The following RARB variants were observed in gnomAD, a reference collection of about 807,000 sequenced individuals.
RARB encodes the protein HBV-activated protein.
Under a neutral mutation model 51.9 loss-of-function variants are expected in RARB, and 17 were observed. That is an observed-to-expected ratio of 0.33 (90% confidence interval 0.22 to 0.49). The LOEUF is 0.49. Among genes scored for constraint, RARB ranks in the 20% least tolerant of loss-of-function variants. RARB has a pLI of 0.99. For missense variants in RARB, 369 were observed against 550.8 expected, an observed-to-expected ratio of 0.67 and a Z score of 3.30; for synonymous variants, 215 against 195.4, an observed-to-expected ratio of 1.10 and a Z score of -0.84.
At chr3:25,553,081 C>T (rs1699913128) in intron 3 of RARB, among the ~76,000 whole-genome samples, 1 of 151,458 alleles carries the variant, frequency 6.6e-6, no homozygotes, top group Non-Finnish European at 1.5e-5. Flanking sequence ...CTATGAAATG[C>T]ATGAGGAGTT....
intron 2 of RARB, among the ~76,000 whole-genome samples, chr3:24,922,872 C>T (rs991297514): frequency 6.6e-6 from 1 of 152,116 alleles, no homozygotes; most frequent in Non-Finnish European, 1.5e-5. Context: ...CCCTTAGAGT[C>T]TTCATGGTCA....
At chr3:25,595,135 C>T (rs1701767250) in intron 7 of RARB, among the ~76,000 whole-genome samples, 1 of 152,136 alleles carries the variant, frequency 6.6e-6, no homozygotes, top group Non-Finnish European at 1.5e-5. Flanking sequence ...CAAAGGAATT[C>T]TTGCCTAAGA....
At chr3:25,454,733 T>G (rs1156945447) in intron 1 of RARB, among the ~76,000 whole-genome samples, 2 of 152,198 alleles carry the variant, frequency 1.3e-5, no homozygotes, top group Non-Finnish European at 2.9e-5. Flanking sequence ...TATCTGCTAC[T>G]TAATCTAACC....
At chr3:25,086,966 C>A (rs1156702291) in intron 3 of RARB, among the ~76,000 whole-genome samples, 2 of 152,112 alleles carry the variant, frequency 1.3e-5, no homozygotes, top group African/African-American at 4.8e-5. Context: ...GGAAAAAGAT[C>A]TGGAAAGGGA....
chr3:25,391,084 A>G (rs1053154334), intron 5 of RARB, among the ~76,000 whole-genome samples: 2 of 152,086 alleles, frequency 1.3e-5, no homozygotes, highest in Non-Finnish European at 2.9e-5. Context: ...AGTTTATTGT[A>G]TCATTCTTAT....
intron 1 of RARB, among the ~76,000 whole-genome samples, chr3:25,454,712 C>CT (rs1237286487): frequency 6.6e-6 from 1 of 152,012 alleles, no homozygotes; most frequent in Non-Finnish European, 1.5e-5. Context: ...ACTGAGCTCT[C>CT]TTAAAAATGT....
intron 2 of RARB, among the ~76,000 whole-genome samples, chr3:25,012,738 TC>T (rs766444750): frequency 3.3e-5 from 5 of 152,114 alleles, no homozygotes; most frequent in African/African-American, 7.2e-5. Context: ...GGAAAAGTAA[TC>T]TATGCAAATA....
chr3:25,380,759 C>CATG (rs1559378668), intron 5 of RARB, among the ~76,000 whole-genome samples: 1 of 152,162 alleles, frequency 6.6e-6, no homozygotes, highest in South Asian at 2.1e-4. Flanking sequence ...CAATTAGTAG[C>CATG]ATCTTTCGTC....
chr3:25,125,025 A>G (rs1699839741), intron 3 of RARB, among the ~76,000 whole-genome samples: 1 of 152,236 alleles, frequency 6.6e-6, no homozygotes, highest in South Asian at 2.1e-4. Context: ...CTTGATTGAG[A>G]TCATCTAGTT....
At position 24,916,143 on chromosome 3, in the gene RARB, G is replaced by C. The variant is rs116261787; in HGVS notation, c.-380+57391G>C. On this transcript the variant is annotated intron_variant, in intron 2 of 11. Transcript: ENST00000383772. ...CACAAGCAGAGATGTCTGTGTTTATGTCTGAGCTGGAAAAAAGACTCACAG... is the reference window on the plus strand; with the variant it reads ...CACAAGCAGAGATGTCTGTGTTTATCTCTGAGCTGGAAAAAAGACTCACAG... Among the ~76,000 whole-genome samples the C allele has an allele frequency of 8.5e-3, 1,298 of 152,232 alleles. 16 individuals carry two copies. Among genetic ancestry groups the C allele is most frequent in the African/African-American group, 0.03 (1,250 of 41,536 alleles).
chr3:25,457,814 A>G (rs1475583201), intron 1 of RARB, among the ~76,000 whole-genome samples: 2 of 152,194 alleles, frequency 1.3e-5, no homozygotes, highest in Non-Finnish European at 2.9e-5. Context: ...TTCTATTTAC[A>G]ACTTTCCTAG....
At chr3:25,059,529 G>A (rs1173312963) in intron 2 of RARB, among the ~76,000 whole-genome samples, 1 of 151,588 alleles carries the variant, frequency 6.6e-6, no homozygotes, top group Non-Finnish European at 1.5e-5. Context: ...TCTGTACTTT[G>A]TATTTCATGT....
chr3:25,107,465 G>A (rs545005736), intron 3 of RARB, among the ~76,000 whole-genome samples: 1 of 152,034 alleles, frequency 6.6e-6, no homozygotes, highest in Non-Finnish European at 1.5e-5. Context: ...ATTATTTCTA[G>A]TATTGTTATT....
At chr3:24,959,619 G>C (rs2125410664) in intron 2 of RARB, among the ~76,000 whole-genome samples, 1 of 152,334 alleles carries the variant, frequency 6.6e-6, no homozygotes, top group East Asian at 1.9e-4. Flanking sequence ...TGAGGGTGTG[G>C]CCTTTGCCAG....
intron 1 of RARB, among the ~76,000 whole-genome samples, chr3:25,432,350 G>C (rs1009170943): frequency 2.6e-5 from 4 of 152,158 alleles, no homozygotes; most frequent in Admixed American, 2.6e-4. Context: ...CTAAACAGTA[G>C]AAAGGTAGAC....
At chr3:24,847,661 A>G (rs1196095418) in intron 1 of RARB, among the ~76,000 whole-genome samples, 1 of 152,146 alleles carries the variant, frequency 6.6e-6, no homozygotes, top group Admixed American at 6.5e-5. Context: ...ACTGCATGGG[A>G]CTTGTGGTGC....
intron 3 of RARB, among the ~76,000 whole-genome samples, chr3:25,111,151 T>C (rs1055095558): frequency 2.0e-5 from 3 of 152,214 alleles, no homozygotes; most frequent in African/African-American, 7.2e-5. Context: ...TCTTGTTTTT[T>C]CAGATGCAAG....
At chr3:25,032,961 G>T (rs1331492344) in intron 2 of RARB, among the ~76,000 whole-genome samples, 1 of 152,180 alleles carries the variant, frequency 6.6e-6, no homozygotes, top group African/African-American at 2.4e-5. Flanking sequence ...GCAGTACTCA[G>T]TGAAACCCAT....
intron 5 of RARB, among the ~76,000 whole-genome samples, chr3:25,411,930 C>T (rs1051266796): frequency 1.3e-5 from 2 of 152,180 alleles, no homozygotes; most frequent in African/African-American, 2.4e-5. Flanking sequence ...GACTGCAAGG[C>T]TAGGTAGGAA....
Sources: allele counts gnomAD v4.1 joint callset (sites outside exome capture counted in the v4.1 genomes callset), GRCh38; gene constraint gnomAD v4.1.1; transcripts MANE v1.5; gene names NCBI Gene and HGNC (gene_info 2026-07-23, HGNC 2026-07-21).